The following DACH1 variants were observed in gnomAD, a reference collection of about 807,000 sequenced individuals.
DACH1 encodes dachshund family transcription factor 1.
Under a neutral mutation model 54.2 loss-of-function variants are expected in DACH1, and 12 were observed. The ratio of observed to expected loss-of-function variants is 0.22; its 90% CI spans 0.14 to 0.36. The LOEUF (loss-of-function observed/expected upper bound fraction) is 0.36. DACH1 is among the 10% of genes least tolerant of loss of function. The pLI is 1.00. For missense variants in DACH1, 805 were observed against 929.8 expected (o/e 0.87, Z 1.75); for synonymous variants, 386 against 366.2 (o/e 1.05, Z -0.62).
At chr13:71,470,208 AAAG>A (rs1207475909) in intron 10 of DACH1, among the ~76,000 whole-genome samples, 2 of 152,238 alleles carry the variant, frequency 1.3e-5, no homozygotes, top group Admixed American at 1.3e-4. Context: ...TCAAATGTGA[AAAG>A]AAGAAAATAA....
intron 7 of DACH1, 59 bp from the exon 8 acceptor site, chr13:71,479,375 T>C: frequency 6.5e-7 from 1 of 1,545,256 alleles, no homozygotes; most frequent in Non-Finnish European, 8.8e-7. Context: ...TTTCGTTCAT[T>C]ACTTAAAAGC....
At chr13:71,568,743 A>C (rs1376788310) in intron 4 of DACH1, among the ~76,000 whole-genome samples, 1 of 152,064 alleles carries the variant, frequency 6.6e-6, no homozygotes, top group Non-Finnish European at 1.5e-5. Flanking sequence ...ATTATGGGGG[A>C]AGCTGAATTA....
intron 1 of DACH1, among the ~76,000 whole-genome samples, chr13:71,822,193 G>A (rs567718967): frequency 8.0e-4 from 122 of 152,244 alleles, no homozygotes; most frequent in African/African-American, 2.8e-3. Flanking sequence ...TTAGTGTCAT[G>A]TATTAAACTA....
At chr13:71,562,643 A>G (rs1884662029) in intron 4 of DACH1, among the ~76,000 whole-genome samples, 1 of 152,146 alleles carries the variant, frequency 6.6e-6, no homozygotes, top group East Asian at 1.9e-4. Flanking sequence ...AAAATGAAGC[A>G]TGTATGCTTC....
chr13:71,845,193 A>G (rs965932420), intron 1 of DACH1, among the ~76,000 whole-genome samples: 2 of 152,154 alleles, frequency 1.3e-5, no homozygotes, highest in Non-Finnish European at 2.9e-5. Flanking sequence ...CATGTATCAC[A>G]ACATCATTAT....
chr13:71,851,480 TC>T (rs1265723670), intron 1 of DACH1, among the ~76,000 whole-genome samples: 1 of 152,182 alleles, frequency 6.6e-6, no homozygotes, highest in Non-Finnish European at 1.5e-5. Context: ...AAGAATAGTT[TC>T]TTTTCCTTTA....
At chr13:71,841,137 T>C (rs4262842) in intron 1 of DACH1, among the ~76,000 whole-genome samples, 1,832 of 152,290 alleles carry the variant, frequency 0.012, 31 homozygotes, top group African/African-American at 0.042. Context: ...CTAAAAAGTT[T>C]ATAAATATTA....
chr13:71,487,197 T>G (rs1566290347), intron 7 of DACH1, among the ~76,000 whole-genome samples: 1 of 152,116 alleles, frequency 6.6e-6, no homozygotes, highest in Non-Finnish European at 1.5e-5. Flanking sequence ...TGTTCTAACT[T>G]TATCAGTCCC....
chr13:71,799,669 A>G (rs1887210131), intron 1 of DACH1, among the ~76,000 whole-genome samples: 1 of 152,148 alleles, frequency 6.6e-6, no homozygotes, highest in Admixed American at 6.6e-5. Context: ...GGAATTCCCA[A>G]CTAAGTAGAA....
chr13:71,754,058 T>C (rs1885039203), intron 1 of DACH1, among the ~76,000 whole-genome samples: 1 of 152,222 alleles, frequency 6.6e-6, no homozygotes, highest in African/African-American at 2.4e-5. Context: ...TTTAATGTAC[T>C]CTATACATCA....
At chr13:71,759,949 G>C (rs373020353) in intron 1 of DACH1, among the ~76,000 whole-genome samples, 1 of 152,160 alleles carries the variant, frequency 6.6e-6, no homozygotes, top group Non-Finnish European at 1.5e-5. Flanking sequence ...TTTTCTTAAA[G>C]CGACTTGTTA....
At chr13:71,473,012 G>T (rs1282940517) in intron 10 of DACH1, among the ~76,000 whole-genome samples, 1 of 152,128 alleles carries the variant, frequency 6.6e-6, no homozygotes, top group Non-Finnish European at 1.5e-5. Flanking sequence ...GCTCTGTTAT[G>T]TTAAGAGTCT....
intron 3 of DACH1, among the ~76,000 whole-genome samples, chr13:71,585,319 A>T (rs567867328): frequency 5.3e-5 from 8 of 152,306 alleles, no homozygotes; most frequent in Admixed American, 1.3e-4. Flanking sequence ...TTGGAAAAAA[A>T]ATATATTTCA....
At chr13:71,704,377 TC>T in intron 1 of DACH1, 2 of 431,064 alleles carry the variant, frequency 4.6e-6, no homozygotes, top group Non-Finnish European at 9.0e-6. Flanking sequence ...TCTACCATGT[TC>T]CCCAGCATGC....
In DACH1 at chr13:71,778,326, A is replaced by G. The variant is rs2138055235; in HGVS notation, c.848+87596T>C. 2.0e-5 allele frequency among the ~76,000 whole-genome samples: 3 copies of G among 152,128 alleles called. No homozygotes were observed. In the East Asian group the frequency reaches 5.8e-4, roughly 29 times the overall value. On this transcript the variant is annotated intron_variant, in intron 1 of 10. Coordinates refer to ENST00000613252, the MANE Select transcript of DACH1 (RefSeq NM_080759.6). ...TTCTTGATACTTTGATTTTTACATA[A>G]GTCAAATGTAATTAATATTTTGAGA...
intron 10 of DACH1, among the ~76,000 whole-genome samples, chr13:71,453,426 T>C (rs908245607): frequency 6.6e-6 from 1 of 152,172 alleles, no homozygotes; most frequent in Admixed American, 6.5e-5. Flanking sequence ...CAAGCCTTTA[T>C]ATCTTTTCAG....
chr13:71,642,634 T>C (rs1877992180), intron 2 of DACH1, among the ~76,000 whole-genome samples: 1 of 152,156 alleles, frequency 6.6e-6, no homozygotes. Context: ...ATAAGGTGAC[T>C]TAAACAAAAC....
chr13:71,861,999 A>G (rs1874392159), intron 1 of DACH1, among the ~76,000 whole-genome samples: 1 of 151,772 alleles, frequency 6.6e-6, no homozygotes, highest in African/African-American at 2.4e-5. Flanking sequence ...CTACTGAAAC[A>G]TAAAACACTT....
intron 1 of DACH1, among the ~76,000 whole-genome samples, chr13:71,791,238 C>T (rs1283452829): frequency 1.3e-5 from 2 of 152,168 alleles, no homozygotes; most frequent in African/African-American, 2.4e-5. Context: ...CTAATATAAC[C>T]CATTTGCTCT....
Sources: gnomAD v4.1 joint callset for allele counts (sites outside exome capture counted in the v4.1 genomes callset) on GRCh38, gnomAD v4.1.1 for gene constraint, MANE v1.5 for transcripts, NCBI Gene and HGNC (gene_info 2026-07-23, HGNC 2026-07-21) for gene names.